NOD2: variants seen among roughly 807,000 people sequenced by gnomAD.
NOD2 encodes the protein nucleotide binding oligomerization domain containing 2.
A neutral mutation model predicts 90.9 loss-of-function variants in NOD2; 86 were observed. The observed-to-expected ratio is 0.95, with a 90% CI of 0.79 to 1.13. The LOEUF is 1.13. Ranked by LOEUF, NOD2 falls within the 50% of genes most tolerant of loss-of-function variation. The probability of loss-of-function intolerance (pLI) is 0.00; values close to 1 mark genes in which losing one functional copy is unlikely to be tolerated. For missense variants in NOD2, 1,238 were observed against 1,283.8 expected (o/e 0.96, Z 0.55); for synonymous variants, 581 against 554.6 (o/e 1.05, Z -0.67).
At chr16:50,722,755 A>G in intron 8 of NOD2, 50 bp downstream of exon 8, 1 of 1,550,826 alleles carries the variant, frequency 6.4e-7, no homozygotes, top group Admixed American at 1.7e-5. Flanking sequence ...TCAGGTGAAG[A>G]GGGAGGAGCT....
At chr16:50,722,548 G>A (rs926184836) in intron 7 of NOD2, 74 bp from the exon 8 acceptor site, 18 of 1,387,326 alleles carry the variant, frequency 1.3e-5, no homozygotes, top group Non-Finnish European at 1.7e-5. Context: ...GAGGGAGGAG[G>A]ACTGTTAGTT....
chr16:50,711,038 T>C lies in NOD2; in HGVS notation c.1046T>C (p.Leu349Ser). ...CTTGACCACCCTGACCGTGTCCTGT[T>C]AACCTTTGATGGCTTTGACGAGTTC... ...LLLDHPDRVL[L>S]TFDGFDEFKF... Residue 349 changes from leucine (L) to serine (S), a missense_variant, in exon 4 of 12, where the codon TTA becomes TCA. By Grantham distance (145) the Leu-to-Ser change is moderately radical. Transcript: ENST00000647318. 2 of 1,614,198 alleles carry C rather than the reference T, an allele frequency of 1.2e-6. No homozygotes were observed. The highest frequency in any genetic ancestry group is 1.7e-6 in the Non-Finnish European group (2 of 1,180,034).
chr16:50,728,313 C>T, intron 10 of NOD2: 1 of 389,724 alleles, frequency 2.6e-6, no homozygotes, highest in South Asian at 2.1e-5. Flanking sequence ...ACCACCACTG[C>T]ACTATACGTT....
At chr16:50,722,477 C>T in intron 7 of NOD2, 145 bp from the exon 8 acceptor site, 1 of 808,540 alleles carries the variant, frequency 1.2e-6, no homozygotes, top group Admixed American at 1.7e-5. Context: ...TTGCTGGGAC[C>T]AGGAGCCCCA....
At position 50,710,737 on chromosome 16, in the gene NOD2, C is replaced by G. The variant is rs762579270; in HGVS notation, c.745C>G (p.Leu249Val). ...ACCCCCGCAGAAGAGCCCAGCCACC[C>G]TGGGCCTGGAGGAGCTCTTCAGCAC... is the stretch of plus-strand genomic sequence containing the variant. The part of the protein sequence containing the change: ...AGPPQKSPAT[L>V]GLEELFSTPG... Residue 249 changes from leucine (L) to valine (V), a missense_variant, in exon 4 of 12, where the codon CTG becomes GTG. Around this residue, in one of 3 missense-constraint regions of NOD2, gnomAD observed 567 missense variants for 577.3 expected, o/e 0.98. Transcript: ENST00000647318. 7 of 1,613,860 alleles carry G rather than the reference C, an allele frequency of 4.3e-6. No homozygotes were observed. In the Admixed American group the frequency reaches 8.3e-5, roughly 19 times the overall value.
At chr16:50,722,599 G>T in intron 7 of NOD2, 23 bp from the exon 8 acceptor site, 1 of 1,610,484 alleles carries the variant, frequency 6.2e-7, no homozygotes, top group Non-Finnish European at 8.5e-7. Context: ...GACACTGTCT[G>T]TTGACTCTTT....
chr16:50,699,423 C>T, intron 1 of NOD2, 65 bp from the exon 2 acceptor site: 12 of 1,454,816 alleles, frequency 8.2e-6, no homozygotes, highest in Non-Finnish European at 1.1e-5. Flanking sequence ...TTGCCCTGGC[C>T]TTCCCTGACC....
At chr16:50,717,854 G>A (rs1964869511) in intron 6 of NOD2, among the ~76,000 whole-genome samples, 1 of 152,220 alleles carries the variant, frequency 6.6e-6, no homozygotes. Flanking sequence ...GGCTGAGTTT[G>A]TGGCCAACAC....
rs746671606 is a variant in NOD2 at position 50,699,473 on chromosome 16, T to C, written c.-8-15T>C. 5.0e-6 allele frequency: 8 copies of C among 1,610,596 alleles called. No individual in the cohort carries two copies. The highest frequency in any genetic ancestry group is 6.8e-6 in the Non-Finnish European group (8 of 1,178,338). On this transcript the variant is annotated splice_polypyrimidine_tract_variant and intron_variant, in intron 1 of 11. Coordinates refer to ENST00000647318, the MANE Select transcript of NOD2 (RefSeq NM_001370466.1). Reference sequence around the variant, plus strand: ...TTCTGGAGAAGTCCCGCACTGACCTTGTTCTCCTCCCCAGGTTGTGAAATG... The same window carrying C: ...TTCTGGAGAAGTCCCGCACTGACCTCGTTCTCCTCCCCAGGTTGTGAAATG...
intron 5 of NOD2, 56 bp downstream of exon 5, chr16:50,716,726 G>C: frequency 1.3e-6 from 2 of 1,574,598 alleles, no homozygotes; most frequent in Non-Finnish European, 1.7e-6. Context: ...CTCACCCCAG[G>C]TCGTGCAGCC....
intron 6 of NOD2, among the ~76,000 whole-genome samples, chr16:50,719,046 G>A (rs1964924999): frequency 6.6e-6 from 1 of 152,156 alleles, no homozygotes; most frequent in African/African-American, 2.4e-5. Context: ...AGGCTGATGA[G>A]GAGTTCTTGA....
At position 50,712,276 on chromosome 16, in the gene NOD2, C is replaced by T. The variant is rs773758818; in HGVS notation, c.2284C>T (p.Leu762Phe). The T allele has an allele frequency of 3.3e-5, 53 of 1,613,868 alleles. No individual in the cohort carries two copies. The highest frequency in any genetic ancestry group is 8.3e-5 in the Admixed American group (5 of 60,016). Residue 762 changes from leucine to phenylalanine, a missense_variant, in exon 4 of 12, where the codon CTC becomes TTC. By Grantham distance (22) the Leu-to-Phe change is conservative. This residue lies in a region of NOD2 where 667 missense variants were observed against 688.7 expected (regional missense o/e 0.97). Coordinates refer to ENST00000647318, the MANE Select transcript of NOD2 (RefSeq NM_001370466.1). ...CAALAFVLQH[L>F]RRPVALQLDY... ...TGCCCTGGCCTTTGTGCTGCAGCACCTCCGGCGGCCCGTGGCCCTGCAGCT... is the reference window on the plus strand; with the variant it reads ...TGCCCTGGCCTTTGTGCTGCAGCACTTCCGGCGGCCCGTGGCCCTGCAGCT...
intron 1 of NOD2, chr16:50,697,352 T>C (rs1214241569): frequency 6.5e-6 from 10 of 1,534,760 alleles, no homozygotes; most frequent in Admixed American, 3.9e-5. Context: ...CCCAGCTTGA[T>C]CCTCAGCCTT....
chr16:50,696,274 G>A (rs1232983016), intron 1 of NOD2: 1 of 152,330 alleles, frequency 6.6e-6, no homozygotes, highest in East Asian at 1.9e-4. Flanking sequence ...GAGGTGTCCA[G>A]GCTCAGGCCT....
chr16:50,697,267 C>A, intron 1 of NOD2: 1 of 1,559,730 alleles, frequency 6.4e-7, no homozygotes, highest in Non-Finnish European at 8.7e-7. Flanking sequence ...GTGGTTCAGC[C>A]TCTCACGATG....
At chr16:50,718,248 T>C (rs1964886123) in intron 6 of NOD2, among the ~76,000 whole-genome samples, 1 of 152,134 alleles carries the variant, frequency 6.6e-6, no homozygotes, top group Non-Finnish European at 1.5e-5. Context: ...CTGACCACAC[T>C]TCAGGAGGAG....
chr16:50,728,123 T>C (rs1464995074), intron 10 of NOD2: 1 of 211,558 alleles, frequency 4.7e-6, no homozygotes, highest in Non-Finnish European at 9.8e-6. Flanking sequence ...TCGAGGTTTT[T>C]CACCTTTCCA....
rs978380362 is a variant in NOD2, at chr16:50,712,575, T to C, written c.2381+202T>C. The C allele has an allele frequency of 9.1e-6, 6 of 662,262 alleles. No homozygotes were observed. In the African/African-American group the frequency reaches 1.1e-4, roughly 12 times the overall value. 41.0% of individuals were successfully genotyped at this position (662,262 alleles called of 1,614,324 possible). Reference sequence around the variant, plus strand: ...GCCACACTTTATTGACTGGCCTATGTGCTGGGTCTGGTGCTATGCTTTCCG... The same window carrying C: ...GCCACACTTTATTGACTGGCCTATGCGCTGGGTCTGGTGCTATGCTTTCCG... On this transcript the variant is annotated intron_variant, in intron 4 of 11. Coordinates refer to ENST00000647318, the MANE Select transcript of NOD2 (RefSeq NM_001370466.1).
intron 4 of NOD2, among the ~76,000 whole-genome samples, chr16:50,715,079 A>C (rs1001431767): frequency 1.3e-5 from 2 of 152,192 alleles, no homozygotes; most frequent in Non-Finnish European, 2.9e-5. Context: ...ACTGCACTAC[A>C]GAAGTGGCCA....
Sources: allele counts gnomAD v4.1 joint callset (sites outside exome capture counted in the v4.1 genomes callset), GRCh38; gene constraint gnomAD v4.1.1; regional missense constraint gnomAD v4.1.1; transcripts MANE v1.5; gene names NCBI Gene and HGNC (gene_info 2026-07-23, HGNC 2026-07-21).